KANSL3: variants seen among roughly 807,000 people sequenced by gnomAD.
KANSL3 encodes the protein KAT8 regulatory NSL complex subunit 3.
In KANSL3, 16 loss-of-function variants were observed where a neutral mutation model predicts 89.2. The observed-to-expected ratio is 0.18, with a 90% CI of 0.12 to 0.27. The LOEUF is 0.27. Ranked by LOEUF, KANSL3 falls within the 10% of genes least tolerant of loss-of-function variation. KANSL3 has a pLI of 1.00. For missense variants in KANSL3, 879 were observed against 1,110.6 expected (o/e 0.79, Z 2.96); for synonymous variants, 385 against 419.7 (o/e 0.92, Z 1.01).
Position 96,602,166 on chromosome 2 carries a change from T to C in KANSL3, c.2432A>G (p.Lys811Arg). 1 of 1,600,440 alleles carries C rather than the reference T, an allele frequency of 6.2e-7. No homozygotes were observed. Residue 811 changes from lysine to arginine, a missense_variant, in exon 19 of 21, where the codon AAG becomes AGG. Physicochemically the swap from Lys to Arg is conservative, Grantham distance 26. This residue lies in a region of KANSL3 where 89 missense variants were observed against 139.7 expected (regional missense o/e 0.64). Transcript: ENST00000431828. ...HQLLTNGGLA[K>R]LASSLPGLAQ... is the part of the protein sequence containing the mutation. ...CAGGCCAGGGAGGCTGCTTGCCAAC[T>C]TAGCGAGGCCCCCATTGGTCAGCAG... is the stretch of plus-strand genomic sequence containing the variant.
At chr2:96,620,931 G>T (rs1420778952) in intron 3 of KANSL3, among the ~76,000 whole-genome samples, 12 of 152,228 alleles carry the variant, frequency 7.9e-5, no homozygotes, top group Admixed American at 7.2e-4. Context: ...GAGCCCAGGA[G>T]GTTGAGGCTG....
At chr2:96,583,360 T>C in the KANSL3 span, among the ~76,000 whole-genome samples, 1 of 152,238 alleles carries the variant, frequency 6.6e-6, no homozygotes, top group African/African-American at 2.4e-5. Context: ...GTATACATCC[T>C]TGTAATGTCC....
chr2:96,611,123 A>G lies in KANSL3; in HGVS notation c.1102T>C (p.Tyr368His). Residue 368 changes from tyrosine to histidine, a missense_variant, in exon 10 of 21, where the codon TAT (tyrosine) becomes CAT (histidine). Physicochemically the swap from Tyr to His is moderately conservative, Grantham distance 83. Coordinates refer to ENST00000431828, the MANE Select transcript of KANSL3 (RefSeq NM_001115016.3). ...CCAAGGCAGACAACTGCAGTGACAT[A>G]CTCCATTACTGACACCTGTAAATAA... ...LVACHVSVME[Y>H]VTAVVCLGFP... 1 of 1,613,884 alleles carries G rather than the reference A, an allele frequency of 6.2e-7. No homozygotes were observed. The highest frequency in any genetic ancestry group is 8.5e-7 in the Non-Finnish European group (1 of 1,179,776).
intron 7 of KANSL3, 88 bp downstream of exon 7, chr2:96,612,729 AT>A: frequency 1.7e-6 from 2 of 1,194,776 alleles, no homozygotes; most frequent in Non-Finnish European, 2.4e-6. Context: ...CAAGTTACCC[AT>A]TTTGACCTCC....
chr2:96,611,903 A>ATATATATGTGTGTGTGTGTG (rs376030964), intron 9 of KANSL3, among the ~76,000 whole-genome samples: 2 of 113,304 alleles, frequency 1.8e-5, no homozygotes, highest in Admixed American at 2.0e-4. Context: ...ATATACCCAT[A>ATATATATGTGTGTGTGTGTG]TGTGTGTGTG....
In KANSL3 at chr2:96,637,181, G is replaced by A. The variant is rs1462465097; in HGVS notation, c.-46C>T. On this transcript the variant is annotated 5_prime_UTR_variant, in exon 2 of 21. Transcript: ENST00000431828. ...TCAGAGCATGGGTATCTGCATGCTA[G>A]TCACCTGCAGTGAAAAGTTTCAGTT... is the stretch of plus-strand genomic sequence containing the variant. 8.1e-7 allele frequency: 1 copy of A among 1,234,970 alleles called. No individual in the cohort carries two copies. Among genetic ancestry groups the A allele is most frequent in the Admixed American group, 2.2e-5 (1 of 45,584 alleles). The allele number at this position is 1,234,970 out of a possible 1,614,324, so 76.5% of individuals were successfully genotyped here. A position where few individuals can be genotyped will look rare whatever the true frequency, so the allele number is the denominator to read the frequency against.
At chr2:96,591,897 T>C (rs1460964813), downstream of KANSL3, among the ~76,000 whole-genome samples, 1 of 152,196 alleles carries the variant, frequency 6.6e-6, no homozygotes, top group Non-Finnish European at 1.5e-5. Flanking sequence ...TAAAAATGCC[T>C]AATGAGAGAA....
Position 96,636,953 on chromosome 2 carries a change from A to T in KANSL3, c.183T>A (p.Phe61Leu). Residue 61 changes from phenylalanine to leucine, a missense_variant, in exon 2 of 21, where the codon TTT (phenylalanine) becomes TTA (leucine). Phe to Leu is a conservative substitution (Grantham distance 22, BLOSUM62 0). Coordinates refer to ENST00000431828, the MANE Select transcript of KANSL3 (RefSeq NM_001115016.3). ...ASSARPTRML[F>L]VTPRRQHEST... ...TTTCGTGCTGCCGCCGGGGAGTGAC[A>T]AAGAGCATGCGGGTGGGGCGGGCAC... 6.5e-7 allele frequency: 1 copy of T among 1,546,228 alleles called. No individual in the cohort carries two copies. Among genetic ancestry groups the T allele is most frequent in the Non-Finnish European group, 8.7e-7 (1 of 1,143,794 alleles).
chr2:96,613,474 G>A lies in KANSL3; in HGVS notation c.795+14C>T. On this transcript the variant is annotated intron_variant, in intron 6 of 20. Transcript: ENST00000431828. ...TTTATGTACCATTGTTAAGTCCTGA[G>A]CCATCCAACTTACTGGTTTGTTATG... is the stretch of plus-strand genomic sequence containing the variant. 1.9e-6 allele frequency: 3 copies of A among 1,612,106 alleles called. No homozygotes were observed. The highest frequency in any genetic ancestry group is 2.5e-6 in the Non-Finnish European group (3 of 1,178,720).
chr2:96,630,144 A>G (rs1374191984), intron 3 of KANSL3, among the ~76,000 whole-genome samples: 4 of 152,246 alleles, frequency 2.6e-5, no homozygotes, highest in Non-Finnish European at 5.9e-5. Context: ...CAGAGTTATC[A>G]TATGACCCAA....
downstream of KANSL3, among the ~76,000 whole-genome samples, chr2:96,591,467 C>T (rs1355617486): frequency 1.3e-5 from 2 of 152,136 alleles, no homozygotes; most frequent in Non-Finnish European, 2.9e-5. Flanking sequence ...TACCAACTTC[C>T]TGGTTTTAAT....
intron 9 of KANSL3, among the ~76,000 whole-genome samples, chr2:96,611,508 GA>G (rs1357044559): frequency 1.3e-5 from 2 of 151,898 alleles, no homozygotes; most frequent in African/African-American, 4.8e-5. Context: ...ACCCTTAAGT[GA>G]AAAAAAATTC....
At chr2:96,627,753 CAAGTCAGGGA>C (rs973391106) in intron 3 of KANSL3, among the ~76,000 whole-genome samples, 1 of 152,158 alleles carries the variant, frequency 6.6e-6, no homozygotes. Flanking sequence ...ATTTAACAAT[CAAGTCAGGGA>C]AAGAATGGCA....
At chr2:96,617,752 C>G (rs1413649664) in intron 5 of KANSL3, among the ~76,000 whole-genome samples, 1 of 151,830 alleles carries the variant, frequency 6.6e-6, no homozygotes, top group Admixed American at 6.6e-5. Context: ...AATCCCAGCA[C>G]TTTGGGAGGC....
chr2:96,596,201 C>T (rs1233835617), intron 20 of KANSL3, among the ~76,000 whole-genome samples: 3 of 152,202 alleles, frequency 2.0e-5, no homozygotes, highest in Non-Finnish European at 4.4e-5. Flanking sequence ...TTTTTACCAA[C>T]GCTTTCCCCA....
At chr2:96,631,696 CAA>C (rs2073416929) in intron 2 of KANSL3, among the ~76,000 whole-genome samples, 1 of 151,992 alleles carries the variant, frequency 6.6e-6, no homozygotes, top group African/African-American at 2.4e-5. Context: ...TGGAAGAACA[CAA>C]AGTCATTTTT....
chr2:96,583,304 AT>A, the KANSL3 span, among the ~76,000 whole-genome samples: 1 of 152,170 alleles, frequency 6.6e-6, no homozygotes, highest in Non-Finnish European at 1.5e-5. Context: ...CTACTTGGCT[AT>A]TACCAGATGT....
chr2:96,591,233 A>G (rs2066268872), downstream of KANSL3, among the ~76,000 whole-genome samples: 1 of 152,216 alleles, frequency 6.6e-6, no homozygotes, highest in South Asian at 2.1e-4. Context: ...GAATGAAAAC[A>G]AGACAATCTC....
chr2:96,603,861 C>G (rs13413510), intron 17 of KANSL3: 1 of 158,060 alleles, frequency 6.3e-6, no homozygotes, highest in Admixed American at 6.5e-5. Context: ...AGAATTCCAA[C>G]GGTATGACAT....
Sources: allele counts gnomAD v4.1 joint callset (sites outside exome capture counted in the v4.1 genomes callset), GRCh38; gene constraint gnomAD v4.1.1; regional missense constraint gnomAD v4.1.1; transcripts MANE v1.5; gene names NCBI Gene and HGNC (gene_info 2026-07-23, HGNC 2026-07-21).